Variants in PHACTR1 observed in about 807,000 individuals in gnomAD.
PHACTR1 encodes the protein RPEL repeat containing 1.
In PHACTR1, 16 loss-of-function variants were observed where a neutral mutation model predicts 69.2. The ratio of observed to expected loss-of-function variants is 0.23; its 90% CI spans 0.16 to 0.35. The LOEUF is 0.35. Among genes scored for constraint, PHACTR1 ranks in the 10% least tolerant of loss-of-function variants. The probability of loss-of-function intolerance (pLI) is 1.00; values close to 1 mark genes in which losing one functional copy is unlikely to be tolerated. For missense variants in PHACTR1, 510 were observed against 734.7 expected (o/e 0.69, Z 3.54); for synonymous variants, 312 against 284.5 (o/e 1.10, Z -0.97).
At chr6:13,253,095 A>G (rs925672792) in intron 10 of PHACTR1, 1 of 452,386 alleles carries the variant, frequency 2.2e-6, no homozygotes, top group Admixed American at 2.4e-5. Flanking sequence ...GATTCCTGCC[A>G]CCCGTCTCCT....
intron 6 of PHACTR1, among the ~76,000 whole-genome samples, chr6:13,167,295 G>A (rs1156357782): frequency 1.3e-5 from 2 of 152,222 alleles, no homozygotes; most frequent in Non-Finnish European, 2.9e-5. Flanking sequence ...TAACAGTGGT[G>A]ATTGTGCTAT....
chr6:12,818,388 G>T (rs1337342801), intron 4 of PHACTR1, among the ~76,000 whole-genome samples: 4 of 152,118 alleles, frequency 2.6e-5, no homozygotes, highest in Non-Finnish European at 5.9e-5. Flanking sequence ...TCTTCCAGGA[G>T]GCCAACCCAG....
chr6:13,133,564 C>G (rs1367381668), intron 5 of PHACTR1, among the ~76,000 whole-genome samples: 1 of 152,098 alleles, frequency 6.6e-6, no homozygotes, highest in Admixed American at 6.5e-5. Context: ...CCCGAGGTGC[C>G]GGGATTGCAG....
intron 5 of PHACTR1, among the ~76,000 whole-genome samples, chr6:13,077,965 A>C (rs1440282767): frequency 1.3e-5 from 2 of 152,122 alleles, no homozygotes; most frequent in Non-Finnish European, 2.9e-5. Flanking sequence ...AGATGAGAAA[A>C]GAAGGGGAAT....
intron 4 of PHACTR1, among the ~76,000 whole-genome samples, chr6:12,824,477 G>C (rs1776567170): frequency 6.6e-6 from 1 of 152,092 alleles, no homozygotes; most frequent in Admixed American, 6.5e-5. Flanking sequence ...GCTGGGGACT[G>C]CTGGCCTACC....
chr6:12,926,890 C>T (rs1562019266), intron 4 of PHACTR1, among the ~76,000 whole-genome samples: 2 of 152,294 alleles, frequency 1.3e-5, no homozygotes, highest in Admixed American at 6.5e-5. Context: ...TCCTGCCTGG[C>T]CTCATCTTTG....
chr6:13,109,833 CGTGTGTGTGTGTGT>C, intron 5 of PHACTR1, among the ~76,000 whole-genome samples: 2 of 146,184 alleles, frequency 1.4e-5, no homozygotes, highest in East Asian at 4.2e-4. Context: ...ATTTTTTCAG[CGTGTGTGTGTGTGT>C]GTGTGTGTGT....
intron 5 of PHACTR1, among the ~76,000 whole-genome samples, chr6:13,068,366 T>C (rs1482411973): frequency 6.6e-6 from 1 of 152,172 alleles, no homozygotes; most frequent in Non-Finnish European, 1.5e-5. Context: ...AGTTTAAGGA[T>C]TCAAAAAGAA....
chr6:13,233,338 G>GATGTTTAAATACTGCTTGGAATTTGTA (rs11272260), intron 10 of PHACTR1, among the ~76,000 whole-genome samples: 1 of 151,964 alleles, frequency 6.6e-6, no homozygotes, highest in East Asian at 1.9e-4. Flanking sequence ...CCCTTATAAG[G>GATGTTTAAATACTGCTTGGAATTTGTA]ACATCCACTG....
At chr6:12,961,827 G>C (rs1263248554) in intron 4 of PHACTR1, among the ~76,000 whole-genome samples, 1 of 152,200 alleles carries the variant, frequency 6.6e-6, no homozygotes, top group Non-Finnish European at 1.5e-5. Context: ...CTGAGGTCTT[G>C]CTCCTTGGCT....
intron 4 of PHACTR1, among the ~76,000 whole-genome samples, chr6:13,006,304 A>C (rs1798781753): frequency 6.6e-6 from 1 of 152,212 alleles, no homozygotes; most frequent in Non-Finnish European, 1.5e-5. Context: ...ATGATGCCAT[A>C]TGCTCTATCC....
At chr6:13,025,014 G>A (rs1409071418) in intron 4 of PHACTR1, among the ~76,000 whole-genome samples, 1 of 152,124 alleles carries the variant, frequency 6.6e-6, no homozygotes, top group African/African-American at 2.4e-5. Flanking sequence ...GGAGTATCAG[G>A]CCAGGCCCAA....
intron 5 of PHACTR1, among the ~76,000 whole-genome samples, chr6:13,057,056 TAGAA>T (rs1028005108): frequency 6.6e-5 from 10 of 152,212 alleles, no homozygotes; most frequent in Non-Finnish European, 1.3e-4. Flanking sequence ...TACAGTTAGA[TAGAA>T]GGAATAAAGT....
Position 13,275,118 on chromosome 6 carries a change from G to A in PHACTR1, c.1447+2203G>A, listed in dbSNP as rs1221953721. 6.6e-6 allele frequency: 1 copy of A among 152,238 alleles called. No homozygotes were observed. The highest frequency in any genetic ancestry group is 1.5e-5 in the Non-Finnish European group (1 of 68,056). 9.4% of individuals were successfully genotyped at this position (152,238 alleles called of 1,614,324 possible). A position where few individuals can be genotyped will look rare whatever the true frequency, so the allele number is the denominator to read the frequency against. On this transcript the variant is annotated intron_variant, in intron 11 of 14. Transcript: ENST00000332995. This position sits in a 1 kb window ranked among gnomAD's most constrained non-coding sequence, Gnocchi z 4.0. ...TTTCAGCCATTTGAGGAACTGCTCG[G>A]TGTTGGGTGGTGGGGAACAGGGCAC...
intron 3 of PHACTR1, among the ~76,000 whole-genome samples, chr6:12,740,426 T>G (rs1486226530): frequency 6.6e-6 from 1 of 152,184 alleles, no homozygotes; most frequent in Admixed American, 6.5e-5. Context: ...TAAGTGATTT[T>G]AAAATTTTAG....
intron 4 of PHACTR1, among the ~76,000 whole-genome samples, chr6:12,796,795 A>G (rs902613789): frequency 3.3e-5 from 5 of 152,222 alleles, no homozygotes; most frequent in African/African-American, 9.6e-5. Flanking sequence ...ACTAATATCT[A>G]TCTTTTCCCA....
chr6:12,848,055 A>T (rs1207456520), intron 4 of PHACTR1, among the ~76,000 whole-genome samples: 1 of 152,196 alleles, frequency 6.6e-6, no homozygotes. Flanking sequence ...AGAATTGAAC[A>T]TCATAAAGAA....
intron 4 of PHACTR1, among the ~76,000 whole-genome samples, chr6:12,996,759 A>G (rs1483993424): frequency 6.6e-6 from 1 of 152,274 alleles, no homozygotes; most frequent in African/African-American, 2.4e-5. Context: ...GAAGGACCAT[A>G]TAAGAGAGAA....
chr6:13,177,367 C>T (rs999304621), intron 6 of PHACTR1, among the ~76,000 whole-genome samples: 1 of 126,896 alleles, frequency 7.9e-6, no homozygotes, highest in African/African-American at 2.8e-5. Context: ...CTCTTGCGCT[C>T]TCTCTCTCTC....
Sources: allele counts gnomAD v4.1 joint callset (sites outside exome capture counted in the v4.1 genomes callset), GRCh38; gene constraint gnomAD v4.1.1; non-coding constraint Gnocchi (gnomAD v3.1); transcripts MANE v1.5; gene names NCBI Gene and HGNC (gene_info 2026-07-23, HGNC 2026-07-21).